Variants in GCNT2 observed in about 807,000 individuals in gnomAD.
The protein encoded by GCNT2 is glucosaminyl (N-acetyl) transferase 2 (I blood group), also known as N-acetyllactosaminide beta-1,6-N-acetylglucosaminyl-transferase.
A neutral mutation model predicts 34.2 loss-of-function variants in GCNT2; 34 were observed. That is an observed-to-expected ratio of 1.00 (90% CI 0.76 to 1.32). The LOEUF is 1.32. Ranked by LOEUF, GCNT2 falls within the 40% of genes most tolerant of loss-of-function variation. GCNT2 has a pLI of 0.00. For synonymous variants in GCNT2, 212 were observed against 188.0 expected (o/e 1.13, Z -1.04); for missense variants, 584 against 489.4 (o/e 1.19, Z -1.82).
At chr6:10,569,935 T>C (rs539967614) in intron 3 of GCNT2, among the ~76,000 whole-genome samples, 135 of 93,486 alleles carry the variant, frequency 1.4e-3, no homozygotes, top group Non-Finnish European at 1.9e-3. Flanking sequence ...CTCTCTCTCT[T>C]CCTTCCTTCC....
In GCNT2 at chr6:10,539,807, C is replaced by T. The variant is rs142769637; in HGVS notation, c.925+9971C>T. On this transcript the variant is annotated intron_variant, in intron 3 of 4. Coordinates refer to ENST00000495262, the MANE Select transcript of GCNT2 (RefSeq NM_145649.5). ...TGGTTAGAAATCAGGTATGTGAGGC[C>T]GGGCATGATGGCTCATGCCTGTAAT... is the stretch of plus-strand genomic sequence containing the variant. 1.2e-4 allele frequency among the ~76,000 whole-genome samples: 19 copies of T among 152,286 alleles called. No homozygotes were observed. In the East Asian group the frequency reaches 3.7e-3, roughly 29 times the overall value.
At chr6:10,582,804 AAAC>A (rs145403030) in intron 3 of GCNT2, among the ~76,000 whole-genome samples, 32,423 of 150,998 alleles carry the variant, frequency 0.21, 4,640 homozygotes, top group African/African-American at 0.4. Context: ...TCCAAAAGAG[AAAC>A]AACAACAACA....
At chr6:10,569,508 GT>G (rs1561807050) in intron 3 of GCNT2, among the ~76,000 whole-genome samples, 1 of 152,028 alleles carries the variant, frequency 6.6e-6, no homozygotes, top group East Asian at 1.9e-4. Flanking sequence ...TTTCTTTGAC[GT>G]TTCCTAAATG....
At chr6:10,596,875 A>C (rs1365381643) in intron 3 of GCNT2, among the ~76,000 whole-genome samples, 1 of 152,136 alleles carries the variant, frequency 6.6e-6, no homozygotes, top group Non-Finnish European at 1.5e-5. Context: ...CATTGTTGTT[A>C]ATTTTTCACA....
At chr6:10,557,198 T>C in intron 3 of GCNT2, 1 of 1,561,738 alleles carries the variant, frequency 6.4e-7, no homozygotes, top group East Asian at 2.3e-5. Flanking sequence ...TCTCACAATT[T>C]ACTTTGGCTC....
intron 3 of GCNT2, chr6:10,586,200 AGTG>A (rs1554134127): frequency 1.2e-6 from 2 of 1,614,028 alleles, no homozygotes; most frequent in Non-Finnish European, 1.7e-6. Flanking sequence ...ACCTTTGCGA[AGTG>A]TCCCTTGCAA....
intron 3 of GCNT2, among the ~76,000 whole-genome samples, chr6:10,609,578 C>G (rs1765464119): frequency 6.6e-6 from 1 of 152,056 alleles, no homozygotes; most frequent in Admixed American, 6.6e-5. Flanking sequence ...TGTAAAAGCT[C>G]TTATGTGTTG....
intron 3 of GCNT2, chr6:10,586,729 C>G: frequency 6.2e-7 from 1 of 1,613,970 alleles, no homozygotes; most frequent in South Asian, 1.1e-5. Context: ...GTGAAAAATA[C>G]TAATATTTTG....
At chr6:10,585,703 A>T (rs1213953589) in intron 3 of GCNT2, 2 of 1,171,194 alleles carry the variant, frequency 1.7e-6, no homozygotes, top group African/African-American at 3.1e-5. Context: ...TAGAGGCTGG[A>T]CTGGGCTGGG....
chr6:10,610,223 G>A (rs1415102134), intron 3 of GCNT2, among the ~76,000 whole-genome samples: 2 of 152,216 alleles, frequency 1.3e-5, no homozygotes, highest in African/African-American at 2.4e-5. Flanking sequence ...CCTGTACTGT[G>A]CAAAATTTCA....
chr6:10,599,417 A>T (rs1422214853), intron 3 of GCNT2, among the ~76,000 whole-genome samples: 2 of 152,196 alleles, frequency 1.3e-5, no homozygotes, highest in Non-Finnish European at 2.9e-5. Context: ...TTCCACCAGA[A>T]TGAGGGAGCA....
At chr6:10,598,887 A>G (rs1190234869) in intron 3 of GCNT2, among the ~76,000 whole-genome samples, 2 of 152,178 alleles carry the variant, frequency 1.3e-5, no homozygotes, top group African/African-American at 2.4e-5. Context: ...TGGAGATACT[A>G]ACATTACCTA....
chr6:10,549,047 G>A (rs191279717), intron 3 of GCNT2, among the ~76,000 whole-genome samples: 7 of 152,262 alleles, frequency 4.6e-5, no homozygotes, highest in African/African-American at 9.6e-5. Context: ...GTGTGCCACC[G>A]CGCCCAGCGT....
At chr6:10,572,224 G>T (rs1763583389) in intron 3 of GCNT2, among the ~76,000 whole-genome samples, 1 of 152,058 alleles carries the variant, frequency 6.6e-6, no homozygotes, top group African/African-American at 2.4e-5. Context: ...CCGCAGAACT[G>T]CACTGATCAA....
chr6:10,587,532 A>G lies in GCNT2; in HGVS notation c.926-33819A>G, dbSNP rs1056694675. Among the ~76,000 whole-genome samples the G allele has an allele frequency of 2.6e-5, 4 of 152,324 alleles. No individual in the cohort carries two copies. The East Asian group carries it at 7.7e-4, about 29-fold the overall frequency. On this transcript the variant is annotated intron_variant, in intron 3 of 4. Coordinates refer to ENST00000495262, the MANE Select transcript of GCNT2 (RefSeq NM_145649.5). ...TAACAAAGAGTTGGAACATACGGAG[A>G]GAGAATCTAGCTACAGATGATCCAA...
At chr6:10,545,222 T>C (rs1762219738) in intron 3 of GCNT2, among the ~76,000 whole-genome samples, 1 of 152,074 alleles carries the variant, frequency 6.6e-6, no homozygotes, top group Admixed American at 6.6e-5. Context: ...CGTGCTGAAG[T>C]CCTAGTTGGT....
At chr6:10,572,232 C>A (rs1581425859) in intron 3 of GCNT2, among the ~76,000 whole-genome samples, 1 of 152,098 alleles carries the variant, frequency 6.6e-6, no homozygotes, top group Non-Finnish European at 1.5e-5. Context: ...CTGCACTGAT[C>A]AATAACCTGG....
chr6:10,598,910 T>C (rs1202583495), intron 3 of GCNT2, among the ~76,000 whole-genome samples: 1 of 152,198 alleles, frequency 6.6e-6, no homozygotes, highest in African/African-American at 2.4e-5. Flanking sequence ...ACTGTGCAAA[T>C]GAAATGTATG....
At chr6:10,579,659 T>C (rs1165697106) in intron 3 of GCNT2, among the ~76,000 whole-genome samples, 1 of 151,544 alleles carries the variant, frequency 6.6e-6, no homozygotes, top group African/African-American at 2.4e-5. Context: ...CTACTAAAAA[T>C]ACAAAAATCA....
Sources: allele counts gnomAD v4.1 joint callset (sites outside exome capture counted in the v4.1 genomes callset), GRCh38; gene constraint gnomAD v4.1.1; transcripts MANE v1.5; gene names NCBI Gene and HGNC (gene_info 2026-07-23, HGNC 2026-07-21).